The following SMAD5 variants were observed in gnomAD, a reference collection of about 807,000 sequenced individuals.
SMAD5 encodes the protein MAD, mothers against decapentaplegic homolog 5.
SMAD5 carries 9 observed loss-of-function variants against 43.1 expected under a neutral mutation model. That is an observed-to-expected ratio of 0.21 (90% CI 0.13 to 0.36). The LOEUF (loss-of-function observed/expected upper bound fraction) is 0.36. Ranked by LOEUF, SMAD5 falls within the 10% of genes least tolerant of loss-of-function variation. The pLI, the probability that SMAD5 is intolerant of heterozygous loss-of-function variation, is 1.00. For missense variants in SMAD5, 348 were observed against 574.0 expected, an observed-to-expected ratio of 0.61 and a Z score of 4.02; for synonymous variants, 190 against 192.4, an observed-to-expected ratio of 0.99 and a Z score of 0.10.
intron 4 of SMAD5, among the ~76,000 whole-genome samples, chr5:136,162,743 A>G (rs1179269252): frequency 6.6e-6 from 1 of 152,218 alleles, no homozygotes; most frequent in Non-Finnish European, 1.5e-5. Context: ...TAACCATTTA[A>G]TAGGACACAA....
chr5:136,169,861 AATGAC>A (rs1561656545), intron 5 of SMAD5, among the ~76,000 whole-genome samples: 1 of 152,156 alleles, frequency 6.6e-6, no homozygotes, highest in Non-Finnish European at 1.5e-5. Flanking sequence ...GCAATTCCTT[AATGAC>A]ATAACATGTT....
intron 3 of SMAD5, among the ~76,000 whole-genome samples, chr5:136,154,770 C>G (rs929177862): frequency 6.6e-6 from 1 of 151,960 alleles, no homozygotes; most frequent in Admixed American, 6.6e-5. Flanking sequence ...TTTAACTTGT[C>G]GAGATCACTA....
chr5:136,176,389 A>T (rs545510838), intron 7 of SMAD5, among the ~76,000 whole-genome samples: 1 of 133,642 alleles, frequency 7.5e-6, no homozygotes, highest in South Asian at 2.7e-4. Flanking sequence ...TGGGAGGCGG[A>T]GGTTGCAGTT....
intron 1 of SMAD5, among the ~76,000 whole-genome samples, chr5:136,135,899 A>G (rs1456641614): frequency 2.0e-5 from 3 of 152,154 alleles, no homozygotes; most frequent in Non-Finnish European, 4.4e-5. Flanking sequence ...AAAGAAGGCA[A>G]ATAGTTTATT....
chr5:136,173,189 A>T (rs370482812), intron 6 of SMAD5, among the ~76,000 whole-genome samples: 15 of 151,378 alleles, frequency 9.9e-5, no homozygotes, highest in African/African-American at 3.7e-4. Flanking sequence ...CATCTTTTAA[A>T]TTTAGGCAAT....
chr5:136,182,505 G>C lies in SMAD5; in HGVS notation c.*5025G>C, dbSNP rs1479087311. On this transcript the variant is annotated 3_prime_UTR_variant, in exon 8 of 8. Coordinates refer to ENST00000545279, the MANE Select transcript of SMAD5 (RefSeq NM_005903.7). ...AGATATTTCATATACAGATAATGAA[G>C]ACCAAGCTAGTGGCTGCACTGTAGG... 6.6e-6 allele frequency: 1 copy of C among 152,578 alleles called. No individual in the cohort carries two copies. Among genetic ancestry groups the C allele is most frequent in the Non-Finnish European group, 1.5e-5 (1 of 68,024 alleles). The allele number at this position is 152,578 out of a possible 1,614,324, so 9.5% of individuals were successfully genotyped here. A position where few individuals can be genotyped will look rare whatever the true frequency, so the allele number is the denominator to read the frequency against.
chr5:136,155,518 A>G lies in SMAD5; in HGVS notation c.403+1355A>G, dbSNP rs755337507. ...CAACAGCCAGAATGATTTTTTAAAA[A>G]CATACTAAATCATGTCAGTTCCTAC... On this transcript the variant is annotated intron_variant, in intron 3 of 7. Coordinates refer to ENST00000545279, the MANE Select transcript of SMAD5 (RefSeq NM_005903.7). 2.6e-5 allele frequency among the ~76,000 whole-genome samples: 4 copies of G among 152,190 alleles called. No individual in the cohort carries two copies. The East Asian group carries it at 7.7e-4, about 29-fold the overall frequency.
intron 3 of SMAD5, among the ~76,000 whole-genome samples, chr5:136,156,385 GTGGTTACCTT>G (rs1753636505): frequency 6.6e-6 from 1 of 152,212 alleles, no homozygotes. Flanking sequence ...GGGAATCACA[GTGGTTACCTT>G]AGAGTCTATC....
At position 136,151,283 on chromosome 5, in the gene SMAD5, A is replaced by G. The variant is rs147429260; in HGVS notation, c.-169-2309A>G. On this transcript the variant is annotated intron_variant, in intron 2 of 7. Transcript: ENST00000545279. ...TATCAGATTAGGGTAAATGCTATAAAAAATGAACAGGGTCAGGGGATAGAG... is the reference window on the plus strand; with the variant it reads ...TATCAGATTAGGGTAAATGCTATAAGAAATGAACAGGGTCAGGGGATAGAG... 2.1e-3 allele frequency among the ~76,000 whole-genome samples: 318 copies of G among 152,170 alleles called. 1 individual carries two copies. The highest frequency in any genetic ancestry group is 3.6e-3 in the Non-Finnish European group (246 of 67,966).
intron 5 of SMAD5, among the ~76,000 whole-genome samples, chr5:136,168,365 C>G (rs948394390): frequency 2.0e-5 from 3 of 151,618 alleles, no homozygotes; most frequent in African/African-American, 4.9e-5. Context: ...ACATATACCT[C>G]TATTTACCCA....
rs527587826 is a variant in SMAD5, at chr5:136,180,952, A to C, written c.*3472A>C. 7 of 152,230 alleles carry C rather than the reference A, an allele frequency of 4.6e-5. No individual in the cohort carries two copies. In the East Asian group the frequency reaches 9.6e-4, roughly 21 times the overall value. 9.4% of individuals were successfully genotyped at this position (152,230 alleles called of 1,614,324 possible). On this transcript the variant is annotated 3_prime_UTR_variant, in exon 8 of 8. Coordinates refer to ENST00000545279, the MANE Select transcript of SMAD5 (RefSeq NM_005903.7). ...TGTTAAAAACCTTCCATATTACCTG[A>C]GGGTACCTGTGGGGAACAGTTCCTT...
intron 1 of SMAD5, among the ~76,000 whole-genome samples, chr5:136,137,272 C>CCCCA (rs1231289662): frequency 2.8e-5 from 4 of 144,646 alleles, no homozygotes; most frequent in African/African-American, 7.9e-5. Flanking sequence ...TTTTTGGGAC[C>CCCCA]CCCCCCCGCA....
At chr5:136,169,958 C>T (rs1252272636) in intron 5 of SMAD5, among the ~76,000 whole-genome samples, 1 of 152,124 alleles carries the variant, frequency 6.6e-6, no homozygotes, top group African/African-American at 2.4e-5. Context: ...ATACTTTAAT[C>T]AGATTGTTTT....
chr5:136,177,802 C>T lies in SMAD5; in HGVS notation c.*322C>T. On this transcript the variant is annotated 3_prime_UTR_variant, in exon 8 of 8. Coordinates refer to ENST00000545279, the MANE Select transcript of SMAD5 (RefSeq NM_005903.7). Reference sequence around the variant, plus strand: ...TTTTTATTAAATTTATTTGAAAATGCATCACATGATGAAAAATTATAGTAG... The same window carrying T: ...TTTTTATTAAATTTATTTGAAAATGTATCACATGATGAAAAATTATAGTAG... 4.6e-6 allele frequency: 1 copy of T among 215,972 alleles called. No homozygotes were observed. Among genetic ancestry groups the T allele is most frequent in the Non-Finnish European group, 9.1e-6 (1 of 109,292 alleles). 13.4% of individuals were successfully genotyped at this position (215,972 alleles called of 1,614,324 possible).
At chr5:136,144,099 T>C (rs1403021760) in intron 1 of SMAD5, among the ~76,000 whole-genome samples, 1 of 152,078 alleles carries the variant, frequency 6.6e-6, no homozygotes, top group Admixed American at 6.6e-5. Context: ...TTTAATTCCA[T>C]TCATTCATAC....
rs147334174 is a variant in SMAD5 at position 136,167,891 on chromosome 5, G to A, written c.775+4500G>A. Among the ~76,000 whole-genome samples the A allele has an allele frequency of 4.3e-3, 644 of 150,488 alleles. 10 individuals carry two copies. Among genetic ancestry groups the A allele is most frequent in the African/African-American group, 0.014 (594 of 41,004 alleles). Reference sequence around the variant, plus strand: ...ATTCCTGCCCCTTTTTTTTTGAGACGGAATCTCGCTCTGCCACCCGGGATT... The same window carrying A: ...ATTCCTGCCCCTTTTTTTTTGAGACAGAATCTCGCTCTGCCACCCGGGATT... On this transcript the variant is annotated intron_variant, in intron 5 of 7. Transcript: ENST00000545279.
intron 1 of SMAD5, among the ~76,000 whole-genome samples, chr5:136,137,042 T>TG (rs1752907076): frequency 6.8e-6 from 1 of 146,002 alleles, no homozygotes; most frequent in East Asian, 2.0e-4. Context: ...TTTTTTGCCT[T>TG]GGGCAGCTAG....
At chr5:136,139,893 G>A (rs1753016361) in intron 1 of SMAD5, among the ~76,000 whole-genome samples, 1 of 152,026 alleles carries the variant, frequency 6.6e-6, no homozygotes, top group Non-Finnish European at 1.5e-5. Context: ...TTTTTTTGTA[G>A]AGATGGAGTT....
intron 5 of SMAD5, among the ~76,000 whole-genome samples, chr5:136,163,951 C>A (rs887975148): frequency 6.6e-6 from 1 of 152,150 alleles, no homozygotes; most frequent in Non-Finnish European, 1.5e-5. Flanking sequence ...GAGGCCAAGG[C>A]GGGTGGATCC....
Sources: allele counts gnomAD v4.1 joint callset (sites outside exome capture counted in the v4.1 genomes callset), GRCh38; gene constraint gnomAD v4.1.1; transcripts MANE v1.5; gene names NCBI Gene and HGNC (gene_info 2026-07-23, HGNC 2026-07-21).